Variants in LOXHD1 observed in about 807,000 individuals in gnomAD.
The protein encoded by LOXHD1 is lipoxygenase homology domain-containing protein 1.
A neutral mutation model predicts 248.2 loss-of-function variants in LOXHD1; 205 were observed. The ratio of observed to expected loss-of-function variants is 0.83; its 90% CI spans 0.74 to 0.93. The LOEUF (loss-of-function observed/expected upper bound fraction) is 0.93. Among genes scored for constraint, LOXHD1 ranks in the 40% least tolerant of loss-of-function variants. The probability of loss-of-function intolerance (pLI) is 0.00; values close to 1 mark genes in which losing one functional copy is unlikely to be tolerated. For missense variants in LOXHD1, 2,930 were observed against 2,971.6 expected (o/e 0.99, Z 0.33); for synonymous variants, 1,113 against 1,162.8 (o/e 0.96, Z 0.87).
intron 17 of LOXHD1, among the ~76,000 whole-genome samples, chr18:46,565,658 C>T (rs940853297): frequency 1.3e-5 from 2 of 152,164 alleles, no homozygotes; most frequent in Non-Finnish European, 2.9e-5. Context: ...TTGTATATAA[C>T]CTACACACAT....
chr18:46,620,443 G>T (rs1299497282), intron 4 of LOXHD1, among the ~76,000 whole-genome samples: 1 of 152,232 alleles, frequency 6.6e-6, no homozygotes, highest in Non-Finnish European at 1.5e-5. Flanking sequence ...TGAAGCAGGA[G>T]AAAGGATGAG....
In LOXHD1 at chr18:46,477,816, C is replaced by T. The variant is rs1446927976; in HGVS notation, c.6478G>A (p.Val2160Met). ...GCCCCTGGCTCATAGCCTGTTGTCA[C>T]GATGACTTCGTACTTGACGGGCACC... ...SLVPVKYEVI[V>M]TTGYEPGAGT... Residue 2160 changes from valine to methionine, a missense_variant, in exon 41 of 41, where the codon GTG (valine) becomes ATG (methionine). Val to Met is a conservative substitution (Grantham distance 21, BLOSUM62 1). Coordinates refer to ENST00000642948, the MANE Select transcript of LOXHD1 (RefSeq NM_001384474.1). 4 of 1,551,728 alleles carry T rather than the reference C, an allele frequency of 2.6e-6. No individual in the cohort carries two copies. The highest frequency in any genetic ancestry group is 2.7e-5 in the African/African-American group (2 of 73,064).
intron 29 of LOXHD1, among the ~76,000 whole-genome samples, chr18:46,527,355 G>A (rs2035873234): frequency 6.6e-6 from 1 of 152,176 alleles, no homozygotes; most frequent in African/African-American, 2.4e-5. Context: ...GCGTCAACTA[G>A]GGCAGGGGAC....
In LOXHD1 at chr18:46,539,796, T is replaced by A. The variant is rs576186424; in HGVS notation, c.3914-1459A>T. Reference sequence around the variant, plus strand: ...CTGGGTCACAGTAACTAAAAAAAAATTTAAGAAAAAAAAGAAGAATATTGA... The same window carrying A: ...CTGGGTCACAGTAACTAAAAAAAAAATTAAGAAAAAAAAGAAGAATATTGA... On this transcript the variant is annotated intron_variant, in intron 25 of 40. Coordinates refer to ENST00000642948, the MANE Select transcript of LOXHD1 (RefSeq NM_001384474.1). 2.6e-5 allele frequency among the ~76,000 whole-genome samples: 4 copies of A among 152,156 alleles called. No homozygotes were observed. In the East Asian group the frequency reaches 7.7e-4, roughly 29 times the overall value.
In LOXHD1 at chr18:46,560,275, ACTC is replaced by A. The variant is rs764969087; in HGVS notation, c.2866_2868del (p.Glu956del). The A allele has an allele frequency of 6.4e-7, 1 of 1,550,852 alleles. No individual in the cohort carries two copies. ...GACGAGGACTCCTCTGATGAGGACG[ACTC>A]CTCTTCCTCCCCCTCGTCCTCTTCG... On this transcript the variant is annotated inframe_deletion, in exon 19 of 41. Transcript: ENST00000642948.
At chr18:46,622,534 A>G (rs1165101033) in intron 4 of LOXHD1, among the ~76,000 whole-genome samples, 2 of 151,946 alleles carry the variant, frequency 1.3e-5, no homozygotes, top group African/African-American at 4.8e-5. Flanking sequence ...GTCTCTAGGC[A>G]GGGGGTGGTG....
intron 34 of LOXHD1, 68 bp downstream of exon 34, chr18:46,518,061 G>A: frequency 6.5e-7 from 1 of 1,543,032 alleles, no homozygotes. Context: ...CCTGGCTGAA[G>A]GCAGGGTGGG....
chr18:46,573,803 A>G (rs2037802673), intron 14 of LOXHD1, among the ~76,000 whole-genome samples: 1 of 152,230 alleles, frequency 6.6e-6, no homozygotes, highest in Non-Finnish European at 1.5e-5. Context: ...ATTAGCTAAC[A>G]CTAAAATGTT....
chr18:46,477,214 G>T (rs2032074108), downstream of LOXHD1: 2 of 725,808 alleles, frequency 2.8e-6, no homozygotes, highest in Non-Finnish European at 5.1e-6. Context: ...TCCCAGCCTG[G>T]TCACTACTGT....
At position 46,546,894 on chromosome 18, in the gene LOXHD1, C is replaced by T. The variant is rs1463849219; in HGVS notation, c.3514+1G>A. 3.2e-6 allele frequency: 5 copies of T among 1,548,406 alleles called. No individual in the cohort carries two copies. Among genetic ancestry groups the T allele is most frequent in the African/African-American group, 1.4e-5 (1 of 72,952 alleles). On this transcript the variant is annotated splice_donor_variant, in intron 22 of 40. Transcript: ENST00000642948. LOFTEE classifies it high-confidence loss of function. The stretch of plus-strand genomic sequence containing the variant: ...AAGAAATCAGCTCTAGTTTAGAAAA[C>T]CTTTCTGCTCCAGGGCCAGGTTGTC...
In LOXHD1 at chr18:46,560,837, T is replaced by TAC. The variant is rs372245427; in HGVS notation, c.2599-294_2599-293dup. Among the ~76,000 whole-genome samples the TAC allele has an allele frequency of 2.9e-4, 42 of 146,754 alleles. No individual in the cohort carries two copies. The East Asian group carries it at 6.8e-3, about 24-fold the overall frequency. ...TCTTAAACACATATGCCTGCACGTATACACACACACACGCACGCGCGCGCG... is the reference window on the plus strand; with the variant it reads ...TCTTAAACACATATGCCTGCACGTATACACACACACACACGCACGCGCGCGCG... On this transcript the variant is annotated intron_variant, in intron 18 of 40. Transcript: ENST00000642948.
At chr18:46,507,735 G>T in intron 35 of LOXHD1, 23 bp from the exon 36 acceptor site, 1 of 1,542,302 alleles carries the variant, frequency 6.5e-7, no homozygotes, top group South Asian at 1.2e-5. Context: ...GAGCCACCGT[G>T]GGAATGCCCT....
chr18:46,477,291 A>G lies in LOXHD1; in HGVS notation c.*181T>C, dbSNP rs1478094713. 17 of 841,284 alleles carry G rather than the reference A, an allele frequency of 2.0e-5. No homozygotes were observed. Among genetic ancestry groups the G allele is most frequent in the Non-Finnish European group, 3.4e-5 (17 of 500,040 alleles). 52.1% of individuals were successfully genotyped at this position (841,284 alleles called of 1,614,324 possible). ...CCACAGATTATGACACATGCTAATT[A>G]TTATCACTGTAGGTTCAATAAACTG... On this transcript the variant is annotated 3_prime_UTR_variant, in exon 41 of 41. Coordinates refer to ENST00000642948, the MANE Select transcript of LOXHD1 (RefSeq NM_001384474.1).
intron 11 of LOXHD1, 137 bp from the exon 12 acceptor site, chr18:46,592,205 C>G: frequency 8.2e-7 from 1 of 1,226,656 alleles, no homozygotes; most frequent in Middle Eastern, 2.6e-4. Flanking sequence ...GGCAGAGGGC[C>G]GGATTAGTAT....
intron 37 of LOXHD1, among the ~76,000 whole-genome samples, 165 bp from the exon 38 acceptor site, chr18:46,489,307 C>T (rs1405358561): frequency 6.6e-6 from 1 of 152,078 alleles, no homozygotes; most frequent in Non-Finnish European, 1.5e-5. Flanking sequence ...GTTAGGTGGT[C>T]TCAGAGGGTT....
intron 5 of LOXHD1, among the ~76,000 whole-genome samples, chr18:46,611,336 T>C (rs1217236157): frequency 1.3e-5 from 2 of 152,236 alleles, no homozygotes; most frequent in African/African-American, 2.4e-5. Context: ...ACAGTGCTGG[T>C]AAGTATTAAT....
chr18:46,625,495 TA>T (rs10692200), intron 4 of LOXHD1, among the ~76,000 whole-genome samples: 6,734 of 141,130 alleles, frequency 0.048, 227 homozygotes, highest in African/African-American at 0.1. Flanking sequence ...GCTGATGAGC[TA>T]AAAAAAAAAA....
rs2039193628 is a variant in LOXHD1, at chr18:46,657,104, ACCT to A, written c.-74_-72del. The A allele has an allele frequency of 6.5e-7, 1 of 1,548,994 alleles. No homozygotes were observed. Among genetic ancestry groups the A allele is most frequent in the African/African-American group, 1.4e-5 (1 of 72,956 alleles). On this transcript the variant is annotated 5_prime_UTR_variant, in exon 1 of 41. Coordinates refer to ENST00000642948, the MANE Select transcript of LOXHD1 (RefSeq NM_001384474.1). ...CTCCTCACACCTGCGGGAACCTGAG[ACCT>A]CCTCCCTGAGCTCTGGCGCCCACGG... is the stretch of plus-strand genomic sequence containing the variant.
intron 2 of LOXHD1, among the ~76,000 whole-genome samples, chr18:46,645,641 G>C (rs1400261138): frequency 6.6e-6 from 1 of 152,064 alleles, no homozygotes; most frequent in Admixed American, 6.5e-5. Context: ...GTGGGGTCGG[G>C]GTAGAGGTTC....
Sources: allele counts gnomAD v4.1 joint callset (sites outside exome capture counted in the v4.1 genomes callset), GRCh38; gene constraint gnomAD v4.1.1; transcripts MANE v1.5; gene names NCBI Gene and HGNC (gene_info 2026-07-23, HGNC 2026-07-21).